Variants in SLA observed in about 807,000 individuals in gnomAD.
The protein encoded by SLA is Src like adaptor, also known as src-like-adapter.
A neutral mutation model predicts 30.3 loss-of-function variants in SLA; 16 were observed. That is an observed-to-expected ratio of 0.53 (90% CI 0.36 to 0.80). The LOEUF (loss-of-function observed/expected upper bound fraction) is 0.80. Among genes scored for constraint, SLA ranks in the 30% least tolerant of loss-of-function variants. The pLI, the probability that SLA is intolerant of heterozygous loss-of-function variation, is 0.01. For missense variants in SLA, 310 were observed against 345.2 expected (o/e 0.90, Z 0.81); for synonymous variants, 143 against 137.8 (o/e 1.04, Z -0.26).
chr8:133,054,309 C>T (rs1202323574), intron 3 of SLA, among the ~76,000 whole-genome samples: 1 of 152,138 alleles, frequency 6.6e-6, no homozygotes, highest in African/African-American at 2.4e-5. Flanking sequence ...AAGACATATG[C>T]ACTGCGCATG....
intron 2 of SLA, among the ~76,000 whole-genome samples, chr8:133,070,237 T>A (rs1373771422): frequency 6.6e-6 from 1 of 151,666 alleles, no homozygotes; most frequent in East Asian, 1.9e-4. Context: ...GAGGACGGAG[T>A]AGGAAAAAGA....
intron 2 of SLA, among the ~76,000 whole-genome samples, chr8:133,061,622 G>A (rs957862871): frequency 1.3e-5 from 2 of 152,180 alleles, no homozygotes; most frequent in Admixed American, 1.3e-4. Context: ...CTGCTTTGTG[G>A]GGTCAAAGAG....
At chr8:133,101,125 G>C (rs779310809) in intron 1 of SLA, among the ~76,000 whole-genome samples, 2 of 152,080 alleles carry the variant, frequency 1.3e-5, no homozygotes, top group Non-Finnish European at 1.5e-5. Flanking sequence ...TACCCTATCT[G>C]TGATAAACAC....
At chr8:133,060,020 C>T (rs746126928) in intron 3 of SLA, 80 bp downstream of exon 3, 22 of 1,422,998 alleles carry the variant, frequency 1.5e-5, no homozygotes, top group East Asian at 4.9e-5. Context: ...AAGTAGTTAC[C>T]GGCATCCACC....
chr8:133,100,941 A>G (rs372029074), intron 1 of SLA, among the ~76,000 whole-genome samples: 119 of 150,366 alleles, frequency 7.9e-4, no homozygotes, highest in Middle Eastern at 6.8e-3. Flanking sequence ...GTAGGGAACC[A>G]TGAACCAGTA....
intron 2 of SLA, among the ~76,000 whole-genome samples, chr8:133,073,437 C>A (rs989282940): frequency 6.6e-6 from 1 of 152,150 alleles, no homozygotes; most frequent in African/African-American, 2.4e-5. Flanking sequence ...CTCACTGCAA[C>A]CTGCAACCTC....
At chr8:133,074,240 A>C (rs1407631051) in intron 2 of SLA, among the ~76,000 whole-genome samples, 1 of 152,060 alleles carries the variant, frequency 6.6e-6, no homozygotes, top group South Asian at 2.1e-4. Flanking sequence ...TCAGATTGTT[A>C]TTAATTATCT....
chr8:133,060,380 T>C (rs1842200205), intron 2 of SLA, 180 bp from the exon 3 acceptor site: 3 of 1,526,572 alleles, frequency 2.0e-6, no homozygotes, highest in South Asian at 2.5e-5. Context: ...GCTCAAGTTC[T>C]TTTATCAAGG....
chr8:133,047,766 T>A (rs758245166), intron 6 of SLA, 64 bp downstream of exon 6: 26 of 918,444 alleles, frequency 2.8e-5, no homozygotes, highest in Non-Finnish European at 4.2e-5. Context: ...GTGTAATGAG[T>A]CAGCCAGGAG....
intron 6 of SLA, chr8:133,046,353 A>G (rs940886000): frequency 3.3e-5 from 5 of 152,280 alleles, no homozygotes; most frequent in East Asian, 3.8e-4. Context: ...TAGAGCCCCT[A>G]TGGGATATGG....
chr8:133,045,174 G>T, intron 6 of SLA, 59 bp from the exon 7 acceptor site: 1 of 1,594,674 alleles, frequency 6.3e-7, no homozygotes, highest in Non-Finnish European at 8.6e-7. Flanking sequence ...AAGGCACCCA[G>T]CTAACCAGCC....
intron 1 of SLA, among the ~76,000 whole-genome samples, chr8:133,097,162 C>T (rs556681147): frequency 6.6e-6 from 1 of 152,310 alleles, no homozygotes; most frequent in Non-Finnish European, 1.5e-5. Context: ...TGACATGGGT[C>T]TCTGTTGGCT....
chr8:133,068,995 A>G (rs556875629), intron 2 of SLA, among the ~76,000 whole-genome samples: 24 of 152,374 alleles, frequency 1.6e-4, no homozygotes, highest in South Asian at 6.2e-4. Flanking sequence ...AACATTGGCA[A>G]TGAAGAAAGA....
Position 133,040,132 on chromosome 8 carries a change from T to C in SLA, c.485-2A>G. The C allele has an allele frequency of 6.3e-7, 1 of 1,578,310 alleles. No individual in the cohort carries two copies. Among genetic ancestry groups the C allele is most frequent in the Non-Finnish European group, 8.6e-7 (1 of 1,162,248 alleles). On this transcript the variant is annotated splice_acceptor_variant, in intron 7 of 8. Transcript: ENST00000338087. LOFTEE classifies it high-confidence loss of function. ...CACAGCACAGGCCATCAGCCACCTCTGAGGAGGGAAGCAGACAGCCGGTCA... is the reference window on the plus strand; with the variant it reads ...CACAGCACAGGCCATCAGCCACCTCCGAGGAGGGAAGCAGACAGCCGGTCA...
chr8:133,045,090 G>T lies in SLA; in HGVS notation c.378C>A (p.His126Gln), dbSNP rs1199626132. ...AAATGCGGTAATGCTTTACCTGCCT[G>T]TGTCTCACCGACAGTGAGTAAAACC... ...KKGFYSLSVR[H>Q]RQVKHYRIFR... is the part of the protein sequence containing the mutation. The change falls in exon 7 of 9, where the codon CAC (histidine) becomes CAA (glutamine). Residue 126 changes from histidine (H) to glutamine (Q), a missense_variant. Coordinates refer to ENST00000338087, the MANE Select transcript of SLA (RefSeq NM_001045556.3). The T allele has an allele frequency of 6.2e-7, 1 of 1,614,076 alleles. No individual in the cohort carries two copies. The highest frequency in any genetic ancestry group is 8.5e-7 in the Non-Finnish European group (1 of 1,180,024).
rs1055019210 is a variant in SLA at position 133,099,423 on chromosome 8, G to A, written c.-319+3130C>T. Among the ~76,000 whole-genome samples the A allele has an allele frequency of 1.7e-4, 26 of 152,292 alleles. 1 individual carries two copies. The highest frequency in any genetic ancestry group is 1.0e-3 in the South Asian group (5 of 4,830). ...CCTGCAGCAGGAGAGTAGTGACGGT[G>A]GGACTGGAAGCCAGCTCACAGCTCA... is the stretch of plus-strand genomic sequence containing the variant. On this transcript the variant is annotated intron_variant, in intron 1 of 8. Transcript: ENST00000338087.
At chr8:133,085,796 GACAA>G (rs1480415953) in intron 1 of SLA, among the ~76,000 whole-genome samples, 18 of 152,272 alleles carry the variant, frequency 1.2e-4, no homozygotes, top group African/African-American at 4.3e-4. Context: ...CGGCCACTTT[GACAA>G]ACAGTTTGGC....
intron 1 of SLA, 90 bp from the exon 2 acceptor site, chr8:133,075,220 G>T: frequency 1.4e-6 from 1 of 716,374 alleles, no homozygotes; most frequent in Non-Finnish European, 1.7e-6. Context: ...CAGAAGCTTG[G>T]TCTTCTTTCT....
At chr8:133,058,230 G>C (rs892947960) in intron 3 of SLA, among the ~76,000 whole-genome samples, 31 of 152,170 alleles carry the variant, frequency 2.0e-4, no homozygotes, top group African/African-American at 7.2e-4. Context: ...CCAATGATCG[G>C]GGGAACGTTT....
Sources: allele counts gnomAD v4.1 joint callset (sites outside exome capture counted in the v4.1 genomes callset), GRCh38; gene constraint gnomAD v4.1.1; transcripts MANE v1.5; gene names NCBI Gene and HGNC (gene_info 2026-07-23, HGNC 2026-07-21).